The following CRISPLD2 variants were observed in gnomAD, a reference collection of about 807,000 sequenced individuals.
CRISPLD2 encodes cysteine-rich secretory protein LCCL domain-containing 2.
CRISPLD2 carries 47 observed loss-of-function variants against 71.1 expected under a neutral mutation model. That is an observed-to-expected ratio of 0.66 (90% CI 0.52 to 0.84). The LOEUF is 0.84. Among genes scored for constraint, CRISPLD2 ranks in the 40% least tolerant of loss-of-function variants. The pLI, the probability that CRISPLD2 is intolerant of heterozygous loss-of-function variation, is 0.00. For missense variants in CRISPLD2, 830 were observed against 651.1 expected (o/e 1.27, Z -2.99); for synonymous variants, 317 against 250.1 (o/e 1.27, Z -2.52).
Position 84,872,996 on chromosome 16 carries a change from C to A in CRISPLD2, c.986C>A (p.Ser329Tyr). Residue 329 changes from serine (S) to tyrosine (Y), a missense_variant, in exon 10 of 15, where the codon TCT becomes TAT. Transcript: ENST00000262424. ...CTTCTCTTCCCTTCCCGCCAGTCGTCTAGCATATGCCGCGCCGCCATCCAC... is the reference window on the plus strand; with the variant it reads ...CTTCTCTTCCCTTCCCGCCAGTCGTATAGCATATGCCGCGCCGCCATCCAC... ...IFGTLFYESSSSICRAAIHYG... is the reference protein window; with the variant it reads ...IFGTLFYESSYSICRAAIHYG... The A allele has an allele frequency of 6.2e-7, 1 of 1,610,918 alleles. No individual in the cohort carries two copies. Among genetic ancestry groups the A allele is most frequent in the Non-Finnish European group, 8.5e-7 (1 of 1,178,754 alleles).
rs1917001249 is a variant in CRISPLD2 at position 84,849,132 on chromosome 16, G to T, written c.360-253G>T. ...TAATGGTATTAAGCACCTGTACCAG[G>T]TGCTGCTGGAATTGAGGGTTATTCC... is the stretch of plus-strand genomic sequence containing the variant. On this transcript the variant is annotated intron_variant, in intron 3 of 14. Coordinates refer to ENST00000262424, the MANE Select transcript of CRISPLD2 (RefSeq NM_031476.4). 7 of 488,624 alleles carry T rather than the reference G, an allele frequency of 1.4e-5. No homozygotes were observed. In the Admixed American group the frequency reaches 2.3e-4, roughly 16 times the overall value. 30.3% of individuals were successfully genotyped at this position (488,624 alleles called of 1,614,324 possible).
chr16:84,880,734 C>G, intron 13 of CRISPLD2, 150 bp downstream of exon 13: 1 of 558,942 alleles, frequency 1.8e-6, no homozygotes, highest in Non-Finnish European at 3.1e-6. Context: ...GAGATGGAGT[C>G]TTACTCTGTT....
At chr16:84,827,558 C>CTTTTTT (rs571068599) in intron 1 of CRISPLD2, among the ~76,000 whole-genome samples, 23 of 135,908 alleles carry the variant, frequency 1.7e-4, no homozygotes, top group African/African-American at 3.9e-4. Context: ...AGTGCCCTTT[C>CTTTTTT]TTTTTTTTTT....
intron 14 of CRISPLD2, among the ~76,000 whole-genome samples, chr16:84,896,113 A>G (rs943681401): frequency 6.7e-6 from 1 of 148,670 alleles, no homozygotes; most frequent in Non-Finnish European, 1.5e-5. Context: ...ATCTCCACTC[A>G]CTGCAACCTC....
At chr16:84,834,567 G>C (rs866618115) in intron 1 of CRISPLD2, among the ~76,000 whole-genome samples, 2 of 152,172 alleles carry the variant, frequency 1.3e-5, no homozygotes, top group African/African-American at 4.8e-5. Context: ...TGCCTCCTTC[G>C]TGTCTCCTCT....
At chr16:84,839,647 G>C (rs1916719382) in intron 2 of CRISPLD2, 1 of 152,376 alleles carries the variant, frequency 6.6e-6, no homozygotes, top group Non-Finnish European at 1.5e-5. Context: ...CCAAGCTCCA[G>C]TGTGGAAACT....
chr16:84,878,217 C>G (rs920610757), intron 12 of CRISPLD2, among the ~76,000 whole-genome samples: 2 of 149,806 alleles, frequency 1.3e-5, no homozygotes, highest in African/African-American at 5.1e-5. Flanking sequence ...GAGCGAGACT[C>G]CGTCTCAAAA....
At chr16:84,853,401 G>A (rs1917143370) in intron 5 of CRISPLD2, among the ~76,000 whole-genome samples, 1 of 152,210 alleles carries the variant, frequency 6.6e-6, no homozygotes, top group Non-Finnish European at 1.5e-5. Context: ...CTTGTGGCAT[G>A]GCACGGACGC....
chr16:84,820,471 G>A (rs1444296663), intron 1 of CRISPLD2, among the ~76,000 whole-genome samples: 1 of 152,148 alleles, frequency 6.6e-6, no homozygotes, highest in African/African-American at 2.4e-5. Context: ...TCCTGTGTTC[G>A]TAGTGGGTGT....
chr16:84,826,994 T>G (rs932481394), intron 1 of CRISPLD2, among the ~76,000 whole-genome samples: 3 of 152,122 alleles, frequency 2.0e-5, no homozygotes, highest in African/African-American at 7.2e-5. Context: ...TTTTTATAAT[T>G]TCTTGTTGAT....
Position 84,854,887 on chromosome 16 carries a change from G to A in CRISPLD2, c.709+58G>A, listed in dbSNP as rs1031632754. 1.6e-5 allele frequency: 21 copies of A among 1,311,398 alleles called. No individual in the cohort carries two copies. The East Asian group carries it at 2.8e-4, about 17-fold the overall frequency. 81.2% of individuals were successfully genotyped at this position (1,311,398 alleles called of 1,614,324 possible). On this transcript the variant is annotated intron_variant, in intron 6 of 14. Transcript: ENST00000262424. ...AATTTGCCCTCAGTCTGAGTCATGC[G>A]ACAGCGTTACATGAAACAGGGGAAT...
At chr16:84,882,347 C>CAAAAAA (rs80146835) in intron 13 of CRISPLD2, among the ~76,000 whole-genome samples, 64 of 77,416 alleles carry the variant, frequency 8.3e-4, no homozygotes, top group Middle Eastern at 7.5e-3. Context: ...ACCAATAAAG[C>CAAAAAA]AAAAAAAAAA....
intron 5 of CRISPLD2, among the ~76,000 whole-genome samples, chr16:84,853,454 G>GT (rs1218826949): frequency 1.3e-5 from 2 of 152,216 alleles, no homozygotes; most frequent in African/African-American, 2.4e-5. Context: ...AAGAGGCTGT[G>GT]TGCACGTCAT....
Position 84,906,769 on chromosome 16 carries a change from T to A in CRISPLD2, c.*127T>A. ...TCCTTTGACTGATGTTCAGTGTCCA[T>A]CACTTTGTGGCCTGTGGGTGAGGTG... On this transcript the variant is annotated 3_prime_UTR_variant, in exon 15 of 15. Transcript: ENST00000262424. 9.2e-7 allele frequency: 1 copy of A among 1,088,090 alleles called. No homozygotes were observed. Among genetic ancestry groups the A allele is most frequent in the Non-Finnish European group, 1.4e-6 (1 of 713,190 alleles). 67.4% of individuals were successfully genotyped at this position (1,088,090 alleles called of 1,614,324 possible). A position where few individuals can be genotyped will look rare whatever the true frequency, so the allele number is the denominator to read the frequency against.
rs546880431 is a variant in CRISPLD2, at chr16:84,889,792, AT to A, written c.1439+436del. ...TGTGTGTGTGTGTGTGTGTGTGTGC[AT>A]TTTTTTCCCACAAAAAAATGGGATC... On this transcript the variant is annotated intron_variant, in intron 14 of 14. Transcript: ENST00000262424. Among the ~76,000 whole-genome samples, 732 of 128,108 alleles carry A rather than the reference AT, an allele frequency of 5.7e-3. 6 individuals carry two copies. The highest frequency in any genetic ancestry group is 0.021 in the African/African-American group (696 of 33,922). 84.0% of individuals were successfully genotyped at this position (128,108 alleles called of 152,430 possible). A position where few individuals can be genotyped will look rare whatever the true frequency, so the allele number is the denominator to read the frequency against.
chr16:84,866,239 G>GTTTTTTTTTTTT (rs11409128), intron 6 of CRISPLD2, among the ~76,000 whole-genome samples: 1 of 148,288 alleles, frequency 6.7e-6, no homozygotes, highest in Non-Finnish European at 1.5e-5. Context: ...TTGTTTTTTG[G>GTTTTTTTTTTTT]TTTTTTTTTT....
intron 14 of CRISPLD2, among the ~76,000 whole-genome samples, chr16:84,897,357 T>G (rs1324709642): frequency 4.7e-5 from 7 of 147,442 alleles, no homozygotes; most frequent in Admixed American, 1.4e-4. Flanking sequence ...GAGGCTGAGG[T>G]AGGAGAATTG....
At chr16:84,839,123 G>C (rs1916705650) in intron 2 of CRISPLD2, 1 of 366,776 alleles carries the variant, frequency 2.7e-6, no homozygotes, top group Admixed American at 3.7e-5. Context: ...CTAGGCTCAA[G>C]CAATCCTCCT....
intron 14 of CRISPLD2, 31 bp from the exon 15 acceptor site, chr16:84,906,557 A>C (rs1178428690): frequency 6.2e-7 from 1 of 1,610,752 alleles, no homozygotes; most frequent in Admixed American, 1.7e-5. Context: ...CAGATCTCTC[A>C]GTAACGGGCC....
Sources: gnomAD v4.1 joint callset for allele counts (sites outside exome capture counted in the v4.1 genomes callset) on GRCh38, gnomAD v4.1.1 for gene constraint, MANE v1.5 for transcripts, NCBI Gene and HGNC (gene_info 2026-07-23, HGNC 2026-07-21) for gene names.